The following SMAD1 variants were observed in gnomAD, a reference collection of about 807,000 sequenced individuals.
The protein encoded by SMAD1 is SMAD family member 1.
A neutral mutation model predicts 41.6 loss-of-function variants in SMAD1; 6 were observed. The observed-to-expected ratio is 0.14, with a 90% confidence interval of 0.08 to 0.28. The LOEUF (loss-of-function observed/expected upper bound fraction) is 0.28. SMAD1 is among the 10% of genes least tolerant of loss of function. The pLI, the probability that SMAD1 is intolerant of heterozygous loss-of-function variation, is 1.00. For synonymous variants in SMAD1, 206 were observed against 203.2 expected (o/e 1.01, Z -0.12); for missense variants, 379 against 582.6 (o/e 0.65, Z 3.60).
At chr4:145,528,502 G>A (rs756181837) in intron 2 of SMAD1, among the ~76,000 whole-genome samples, 2 of 152,076 alleles carry the variant, frequency 1.3e-5, no homozygotes, top group Admixed American at 6.6e-5. Flanking sequence ...TTGGCCTCCC[G>A]GAGTGCCAGG....
intron 2 of SMAD1, 59 bp from the exon 3 acceptor site, chr4:145,539,745 G>A: frequency 2.0e-6 from 3 of 1,505,982 alleles, no homozygotes; most frequent in Middle Eastern, 1.7e-4. Context: ...TTATTGTGAT[G>A]TAATTATAGA....
intron 3 of SMAD1, among the ~76,000 whole-genome samples, chr4:145,541,572 A>T (rs916835396): frequency 1.3e-5 from 2 of 152,202 alleles, no homozygotes; most frequent in African/African-American, 4.8e-5. Flanking sequence ...CAGTAGTCCC[A>T]TCTCAGTACT....
chr4:145,507,554 A>T (rs944355100), intron 1 of SMAD1, among the ~76,000 whole-genome samples: 2 of 152,020 alleles, frequency 1.3e-5, no homozygotes, highest in African/African-American at 4.8e-5. Context: ...CTTTGTGCAA[A>T]AACAATTTTC....
chr4:145,555,082 T>G (rs1732765728), intron 6 of SMAD1, among the ~76,000 whole-genome samples: 1 of 152,068 alleles, frequency 6.6e-6, no homozygotes, highest in Non-Finnish European at 1.5e-5. Flanking sequence ...TTTTTGTGTG[T>G]TTGTTTGTTT....
At chr4:145,503,361 C>T (rs1473758428) in intron 1 of SMAD1, among the ~76,000 whole-genome samples, 1 of 151,978 alleles carries the variant, frequency 6.6e-6, no homozygotes, top group African/African-American at 2.4e-5. Flanking sequence ...AGGACTAAAG[C>T]GAAATAGAGT....
chr4:145,552,360 A>G (rs1692213637), intron 5 of SMAD1, among the ~76,000 whole-genome samples: 1 of 152,260 alleles, frequency 6.6e-6, no homozygotes, highest in African/African-American at 2.4e-5. Context: ...GCCTTGACTA[A>G]GCCATACCAG....
At chr4:145,502,427 A>G (rs112960939) in intron 1 of SMAD1, among the ~76,000 whole-genome samples, 2,086 of 152,326 alleles carry the variant, frequency 0.014, 64 homozygotes, top group African/African-American at 0.048. Context: ...GGGGACAATA[A>G]GAAAACTTTC....
At chr4:145,554,161 T>G in intron 6 of SMAD1, 121 bp downstream of exon 6, 1 of 922,606 alleles carries the variant, frequency 1.1e-6, no homozygotes, top group Non-Finnish European at 1.6e-6. Context: ...ATTAGCTGAC[T>G]TATTATCTAG....
chr4:145,490,194 T>G (rs907932637), intron 1 of SMAD1, among the ~76,000 whole-genome samples: 7 of 152,060 alleles, frequency 4.6e-5, no homozygotes, highest in Non-Finnish European at 8.8e-5. Context: ...AGAGAGCAAT[T>G]GGAGGTGATG....
intron 1 of SMAD1, among the ~76,000 whole-genome samples, chr4:145,493,733 A>G (rs1314937615): frequency 6.6e-6 from 1 of 152,186 alleles, no homozygotes; most frequent in Non-Finnish European, 1.5e-5. Context: ...ATATTAATCA[A>G]TTCAGCAAGT....
chr4:145,516,910 G>A (rs545657572), intron 2 of SMAD1: 4 of 152,222 alleles, frequency 2.6e-5, no homozygotes, highest in Admixed American at 2.6e-4. Flanking sequence ...CCTTGTGTTA[G>A]AACTAGAAAA....
intron 1 of SMAD1, among the ~76,000 whole-genome samples, chr4:145,491,902 G>A (rs1322359100): frequency 3.9e-5 from 6 of 152,180 alleles, no homozygotes; most frequent in South Asian, 2.1e-4. Context: ...TCATTGATGT[G>A]AGACGCAGTG....
At chr4:145,530,541 T>A (rs1358260918) in intron 2 of SMAD1, among the ~76,000 whole-genome samples, 2 of 152,194 alleles carry the variant, frequency 1.3e-5, no homozygotes, top group Non-Finnish European at 2.9e-5. Context: ...ATTTAGGTGA[T>A]TTTTAGGTAA....
In SMAD1 at chr4:145,558,426, GT is replaced by G. The variant is rs1732965430; in HGVS notation, c.*495del. On this transcript the variant is annotated 3_prime_UTR_variant, in exon 7 of 7. Transcript: ENST00000302085. ...TATTTGTTTAGCGATGGTTTTGTTC[GT>G]TTAAGTAAAGGTTAATCTTGATGAT... Among the ~76,000 whole-genome samples the G allele has an allele frequency of 6.6e-6, 1 of 152,120 alleles. No homozygotes were observed. Among genetic ancestry groups the G allele is most frequent in the Non-Finnish European group, 1.5e-5 (1 of 68,022 alleles).
In SMAD1 at chr4:145,558,019, A is replaced by AT; in HGVS notation, c.*85_*86insT. The AT allele has an allele frequency of 2.0e-6, 2 of 1,013,626 alleles. No individual in the cohort carries two copies. The highest frequency in any genetic ancestry group is 2.7e-6 in the Non-Finnish European group (2 of 728,198). 62.8% of individuals were successfully genotyped at this position (1,013,626 alleles called of 1,614,324 possible). On this transcript the variant is annotated 3_prime_UTR_variant, in exon 7 of 7. Transcript: ENST00000302085. Reference sequence around the variant, plus strand: ...ATGAGTCAGACACGATTGAGAACTGACAAAGGAGCCTTGATAATACTTGAC... The same window carrying AT: ...ATGAGTCAGACACGATTGAGAACTGATCAAAGGAGCCTTGATAATACTTGAC...
At chr4:145,515,796 T>C (rs1363024272) in intron 2 of SMAD1, among the ~76,000 whole-genome samples, 1 of 152,164 alleles carries the variant, frequency 6.6e-6, no homozygotes, top group Non-Finnish European at 1.5e-5. Context: ...TGTTGATGGA[T>C]TGGCTGTTAA....
intron 1 of SMAD1, among the ~76,000 whole-genome samples, chr4:145,509,805 A>C (rs1181353942): frequency 6.6e-6 from 1 of 152,202 alleles, no homozygotes; most frequent in East Asian, 1.9e-4. Context: ...AATAATACCA[A>C]CTTCAAAAAA....
At chr4:145,509,120 A>G (rs550705201) in intron 1 of SMAD1, among the ~76,000 whole-genome samples, 3 of 152,332 alleles carry the variant, frequency 2.0e-5, no homozygotes, top group South Asian at 4.1e-4. Context: ...TCTTGTGCCC[A>G]TGGGCAATGG....
intron 2 of SMAD1, among the ~76,000 whole-genome samples, chr4:145,528,399 G>A (rs781529675): frequency 3.3e-5 from 5 of 151,832 alleles, no homozygotes; most frequent in Non-Finnish European, 5.9e-5. Flanking sequence ...CACTGCACCC[G>A]GCCTAACTTT....
Sources: allele counts gnomAD v4.1 joint callset (sites outside exome capture counted in the v4.1 genomes callset), GRCh38; gene constraint gnomAD v4.1.1; transcripts MANE v1.5; gene names NCBI Gene and HGNC (gene_info 2026-07-23, HGNC 2026-07-21).